Variants in NPR3 observed in about 807,000 individuals in gnomAD.
NPR3 encodes atrial natriuretic peptide receptor 3.
A neutral mutation model predicts 54.5 loss-of-function variants in NPR3; 34 were observed. That is an observed-to-expected ratio of 0.62 (90% CI 0.47 to 0.83). NPR3 has a LOEUF of 0.83. Ranked by LOEUF, NPR3 falls within the 40% of genes least tolerant of loss-of-function variation. The probability of loss-of-function intolerance (pLI) is 0.00; values close to 1 mark genes in which losing one functional copy is unlikely to be tolerated. For synonymous variants in NPR3, 289 were observed against 297.1 expected, an observed-to-expected ratio of 0.97 and a Z score of 0.28; for missense variants, 674 against 720.8, an observed-to-expected ratio of 0.94 and a Z score of 0.74.
At chr5:32,694,485 C>A (rs1411853465) in intron 1 of NPR3, among the ~76,000 whole-genome samples, 1 of 152,084 alleles carries the variant, frequency 6.6e-6, no homozygotes, top group Non-Finnish European at 1.5e-5. Flanking sequence ...CACTTTGCAT[C>A]TGCTTTTTCT....
At chr5:32,721,018 G>T (rs533688855) in intron 1 of NPR3, among the ~76,000 whole-genome samples, 3 of 152,124 alleles carry the variant, frequency 2.0e-5, no homozygotes, top group African/African-American at 7.2e-5. Flanking sequence ...TTGTATAAAG[G>T]CAAGTTACTA....
chr5:32,696,176 A>G (rs983760393), intron 1 of NPR3, among the ~76,000 whole-genome samples: 1 of 152,168 alleles, frequency 6.6e-6, no homozygotes. Flanking sequence ...ATTTTTGTAT[A>G]TAATGAGAGA....
intron 7 of NPR3, 71 bp from the exon 8 acceptor site, chr5:32,786,163 A>G: frequency 3.0e-6 from 2 of 670,416 alleles, no homozygotes; most frequent in Non-Finnish European, 5.3e-6. Context: ...CCTTGAGGGC[A>G]CTCTTTGTAA....
At chr5:32,735,010 C>T (rs982937122) in intron 2 of NPR3, among the ~76,000 whole-genome samples, 1 of 152,166 alleles carries the variant, frequency 6.6e-6, no homozygotes, top group Admixed American at 6.5e-5. Flanking sequence ...AGTGTCTGTG[C>T]TCTGCCCTTC....
chr5:32,764,037 G>A (rs1233083293), intron 3 of NPR3, among the ~76,000 whole-genome samples: 1 of 152,138 alleles, frequency 6.6e-6, no homozygotes, highest in Non-Finnish European at 1.5e-5. Context: ...GAAAGTCTGA[G>A]GCATTCCCCA....
At position 32,790,770 on chromosome 5, in the gene NPR3, T is replaced by G. The variant is rs1332061366; in HGVS notation, c.*4425T>G. ...GCTGATGCTGTCAGTGTTCAAGTTT[T>G]AAGTGACTTCAAACACAATGGAAGT... On this transcript the variant is annotated 3_prime_UTR_variant, in exon 8 of 8. Coordinates refer to ENST00000265074, the MANE Select transcript of NPR3 (RefSeq NM_001204375.2). 1 of 167,032 alleles carries G rather than the reference T, an allele frequency of 6.0e-6. No individual in the cohort carries two copies. The highest frequency in any genetic ancestry group is 1.5e-5 in the Non-Finnish European group (1 of 68,104). The allele number at this position is 167,032 out of a possible 1,614,324, so 10.3% of individuals were successfully genotyped here.
At chr5:32,760,411 C>T (rs1388889939) in intron 3 of NPR3, among the ~76,000 whole-genome samples, 2 of 152,128 alleles carry the variant, frequency 1.3e-5, no homozygotes, top group African/African-American at 4.8e-5. Flanking sequence ...TAAAATGCTA[C>T]CTTGCTGTAG....
intron 1 of NPR3, among the ~76,000 whole-genome samples, chr5:32,692,134 A>T (rs2111802774): frequency 6.6e-6 from 1 of 152,356 alleles, no homozygotes; most frequent in Non-Finnish European, 1.5e-5. Context: ...TGTGCCAAGA[A>T]TTGAGGATAT....
intron 1 of NPR3, among the ~76,000 whole-genome samples, chr5:32,701,515 C>T (rs892780701): frequency 1.3e-5 from 2 of 152,102 alleles, no homozygotes; most frequent in African/African-American, 4.8e-5. Flanking sequence ...TCCTTGTTGC[C>T]TTATTTAGTT....
intron 1 of NPR3, among the ~76,000 whole-genome samples, chr5:32,714,415 GC>G (rs1561077697): frequency 6.6e-6 from 1 of 152,206 alleles, no homozygotes; most frequent in African/African-American, 2.4e-5. Flanking sequence ...GGACTGGTGC[GC>G]CCCGGGCTTC....
intron 1 of NPR3, among the ~76,000 whole-genome samples, chr5:32,703,888 C>A (rs182309734): frequency 6.6e-6 from 1 of 152,346 alleles, no homozygotes; most frequent in African/African-American, 2.4e-5. Flanking sequence ...ATGTGTCCCC[C>A]ACATCCACTG....
upstream of NPR3, chr5:32,710,795 C>A (rs1230387078): frequency 1.3e-6 from 2 of 1,519,034 alleles, no homozygotes; most frequent in African/African-American, 1.4e-5. Flanking sequence ...TGAGAGCAAG[C>A]GGCACCTAAG....
chr5:32,750,769 AG>A (rs1308731323), intron 3 of NPR3, among the ~76,000 whole-genome samples: 6 of 152,156 alleles, frequency 3.9e-5, no homozygotes, highest in Admixed American at 3.3e-4. Flanking sequence ...TTTCCTTCTA[AG>A]GGCTGCTTTT....
intron 5 of NPR3, among the ~76,000 whole-genome samples, chr5:32,782,001 C>G (rs1333668201): frequency 6.6e-6 from 1 of 152,088 alleles, no homozygotes; most frequent in African/African-American, 2.4e-5. Context: ...CTTCCAAGAA[C>G]CTGGGTGGGA....
In NPR3 at chr5:32,790,910, G is replaced by A. The variant is rs1742876073; in HGVS notation, c.*4565G>A. On this transcript the variant is annotated 3_prime_UTR_variant, in exon 8 of 8. Transcript: ENST00000265074. Reference sequence around the variant, plus strand: ...TTTGAACAAGCAGAATTAAGTGTTAGCAAAAATGCTGCATTGCTTTGATTC... The same window carrying A: ...TTTGAACAAGCAGAATTAAGTGTTAACAAAAATGCTGCATTGCTTTGATTC... The A allele has an allele frequency of 6.0e-6, 1 of 167,014 alleles. No homozygotes were observed. Among genetic ancestry groups the A allele is most frequent in the Non-Finnish European group, 1.5e-5 (1 of 68,102 alleles). The allele number at this position is 167,014 out of a possible 1,614,324, so 10.3% of individuals were successfully genotyped here. A position where few individuals can be genotyped will look rare whatever the true frequency, so the allele number is the denominator to read the frequency against.
At chr5:32,713,548 C>A (rs922402549) in intron 1 of NPR3, 1 of 858,282 alleles carries the variant, frequency 1.2e-6, no homozygotes, top group South Asian at 5.3e-5. Context: ...CTCTGCTCCC[C>A]CTTGGCGCTC....
At chr5:32,727,378 T>G (rs1388563634) in intron 2 of NPR3, among the ~76,000 whole-genome samples, 1 of 152,236 alleles carries the variant, frequency 6.6e-6, no homozygotes, top group African/African-American at 2.4e-5. Context: ...TCTGCCTGCC[T>G]CAGCCTCCCA....
intron 1 of NPR3, 82 bp downstream of exon 1, chr5:32,712,627 G>T (rs1738318857): frequency 2.3e-6 from 3 of 1,326,016 alleles, no homozygotes; most frequent in Non-Finnish European, 3.1e-6. Context: ...CCACTCTGCA[G>T]ACCCCACTCC....
intron 2 of NPR3, among the ~76,000 whole-genome samples, chr5:32,730,624 G>A (rs558705518): frequency 3.9e-5 from 6 of 152,076 alleles, no homozygotes; most frequent in African/African-American, 1.4e-4. Context: ...GTTTAGCAAG[G>A]TCCCACCATA....
Sources: gnomAD v4.1 joint callset for allele counts (sites outside exome capture counted in the v4.1 genomes callset) on GRCh38, gnomAD v4.1.1 for gene constraint, MANE v1.5 for transcripts, NCBI Gene and HGNC (gene_info 2026-07-23, HGNC 2026-07-21) for gene names.